RYK: variants seen among roughly 807,000 people sequenced by gnomAD.
RYK encodes inactive tyrosine-protein kinase RYK.
A neutral mutation model predicts 70.2 loss-of-function variants in RYK; 21 were observed. That is an observed-to-expected ratio of 0.30 (90% CI 0.21 to 0.43). The LOEUF (loss-of-function observed/expected upper bound fraction) is 0.43. Among genes scored for constraint, RYK ranks in the 20% least tolerant of loss-of-function variants. The pLI, the probability that RYK is intolerant of heterozygous loss-of-function variation, is 1.00. For synonymous variants in RYK, 267 were observed against 278.0 expected, an observed-to-expected ratio of 0.96 and a Z score of 0.39; for missense variants, 604 against 753.3, an observed-to-expected ratio of 0.80 and a Z score of 2.32.
chr3:134,159,459 A>C (rs769310929), intron 13 of RYK, 86 bp from the exon 14 acceptor site: 96 of 1,298,428 alleles, frequency 7.4e-5, no homozygotes, highest in Non-Finnish European at 9.7e-5. Context: ...AGGACAAAAA[A>C]TAACAGCTCA....
At chr3:134,219,325 C>T (rs141009283) in intron 2 of RYK, among the ~76,000 whole-genome samples, 8 of 152,232 alleles carry the variant, frequency 5.3e-5, no homozygotes, top group African/African-American at 1.7e-4. Context: ...AAATAACAAA[C>T]GGTGTATTTT....
chr3:134,176,935 CT>C (rs1401338488), intron 11 of RYK, among the ~76,000 whole-genome samples: 1 of 152,002 alleles, frequency 6.6e-6, no homozygotes, highest in Non-Finnish European at 1.5e-5. Flanking sequence ...GTAGTCCCAG[CT>C]ACTCGGGAGG....
chr3:134,201,557 G>A (rs926628477), intron 6 of RYK, among the ~76,000 whole-genome samples: 1 of 152,188 alleles, frequency 6.6e-6, no homozygotes, highest in Non-Finnish European at 1.5e-5. Flanking sequence ...CAAAGAGAAA[G>A]GGGTGTTTGG....
chr3:134,216,792 C>CA (rs61441674), intron 2 of RYK, among the ~76,000 whole-genome samples: 2,783 of 37,304 alleles, frequency 0.075, 723 homozygotes, highest in East Asian at 0.5. Flanking sequence ...GACTCTGTCT[C>CA]AAAAAAAAAA....
chr3:134,208,530 C>G (rs1187913063), intron 4 of RYK, among the ~76,000 whole-genome samples: 1 of 152,170 alleles, frequency 6.6e-6, no homozygotes, highest in Non-Finnish European at 1.5e-5. Context: ...TACCAAAACA[C>G]TAAAGCTGAA....
Position 134,250,535 on chromosome 3 carries a change from G to C in RYK, c.120C>G (p.Pro40=), listed in dbSNP as rs2015589050. 1.7e-6 allele frequency: 2 copies of C among 1,172,546 alleles called. No individual in the cohort carries two copies. Among genetic ancestry groups the C allele is most frequent in the Admixed American group, 4.4e-5 (1 of 22,690 alleles). The allele number at this position is 1,172,546 out of a possible 1,614,324, so 72.6% of individuals were successfully genotyped here. A position where few individuals can be genotyped will look rare whatever the true frequency, so the allele number is the denominator to read the frequency against. The change falls in exon 1 of 15, where the codon CCC becomes CCG. Residue 40 remains proline, a synonymous_variant. Coordinates refer to ENST00000623711, the MANE Select transcript of RYK (RefSeq NM_002958.4). ...CGGGGGCGGCGGCAGCGCCAGGCGC[G>C]GGCAGCAGCGGCAACAGCGCAAGCA... is the stretch of plus-strand genomic sequence containing the variant. The part of the protein sequence containing the change: ...LLLLALLPLL[P]APGAAAAPAP...
At chr3:134,208,736 G>A (rs1306983825) in intron 4 of RYK, among the ~76,000 whole-genome samples, 1 of 152,168 alleles carries the variant, frequency 6.6e-6, no homozygotes, top group Non-Finnish European at 1.5e-5. Flanking sequence ...CTGCATCCTA[G>A]CTGCACCACT....
In RYK at chr3:134,176,006, T is replaced by A. The variant is rs1331332594; in HGVS notation, c.1339A>T (p.Ile447Phe). The A allele has an allele frequency of 4.4e-6, 7 of 1,605,440 alleles. No homozygotes were observed. The highest frequency in any genetic ancestry group is 6.0e-6 in the Non-Finnish European group (7 of 1,175,586). Residue 447 changes from isoleucine to phenylalanine, a missense_variant, in exon 12 of 15, where the codon ATT becomes TTT. By Grantham distance (21) the Ile-to-Phe change is conservative. Around this residue, in one of 2 missense-constraint regions of RYK, gnomAD observed 138 missense variants for 217.4 expected, o/e 0.63. Coordinates refer to ENST00000623711, the MANE Select transcript of RYK (RefSeq NM_002958.4). ...TAGCTCATTCCACAGGCAATCTGAA[T>A]AGCCATGTGTACCAGGTCTTGCTGA... ...ISQQDLVHMA[I>F]QIACGMSYLA...
At chr3:134,173,296 T>A (rs1234729530) in intron 13 of RYK, among the ~76,000 whole-genome samples, 1 of 151,852 alleles carries the variant, frequency 6.6e-6, no homozygotes, top group Non-Finnish European at 1.5e-5. Context: ...AAAAAAAATT[T>A]AAAAATTATA....
intron 6 of RYK, among the ~76,000 whole-genome samples, chr3:134,200,701 T>G (rs2013984658): frequency 6.6e-6 from 1 of 152,208 alleles, no homozygotes; most frequent in South Asian, 2.1e-4. Flanking sequence ...AGAGGAGAAC[T>G]GAGACACACA....
chr3:134,248,948 C>T (rs1174098667), intron 1 of RYK, among the ~76,000 whole-genome samples: 3 of 152,062 alleles, frequency 2.0e-5, no homozygotes, highest in Non-Finnish European at 1.5e-5. Flanking sequence ...AGGTATATGG[C>T]AGGAATTCAA....
At chr3:134,178,532 G>A (rs1426592474) in intron 10 of RYK, 1 of 151,892 alleles carries the variant, frequency 6.6e-6, no homozygotes, top group Non-Finnish European at 1.5e-5. Flanking sequence ...CTAAAAGGCT[G>A]AAACTGCCAC....
At chr3:134,167,061 T>A (rs2012698771) in intron 13 of RYK, among the ~76,000 whole-genome samples, 1 of 152,192 alleles carries the variant, frequency 6.6e-6, no homozygotes, top group East Asian at 1.9e-4. Context: ...AAGATTATTG[T>A]ATATAAAATC....
Position 134,246,375 on chromosome 3 carries a change from T to TAA in RYK, c.232+4046_232+4047dup, listed in dbSNP as rs35031038. Among the ~76,000 whole-genome samples, 170 of 109,846 alleles carry TAA rather than the reference T, an allele frequency of 1.5e-3. 7 individuals are homozygous for TAA. Among genetic ancestry groups the TAA allele is most frequent in the Middle Eastern group, 9.1e-3 (2 of 220 alleles). The allele number at this position is 109,846 out of a possible 152,430, so 72.1% of individuals were successfully genotyped here. On this transcript the variant is annotated intron_variant, in intron 1 of 14. Transcript: ENST00000623711. The stretch of plus-strand genomic sequence containing the variant: ...AGAGAAAATAAAGGGTGGGAATTAT[T>TAA]AAAAAAAAAAAAAGCATTTCTGAAA...
At position 134,249,917 on chromosome 3, in the gene RYK, G is replaced by GTTTTT. The variant is rs71624038; in HGVS notation, c.232+501_232+505dup. ...TATAACCTCCCCTTCTTTCTCTCTCGTTTTTTTTTTTTTTTTTTTTTTTTT... is the reference window on the plus strand; with the variant it reads ...TATAACCTCCCCTTCTTTCTCTCTCGTTTTTTTTTTTTTTTTTTTTTTTTTTTTTT... On this transcript the variant is annotated intron_variant, in intron 1 of 14. Transcript: ENST00000623711. 4.2e-3 allele frequency among the ~76,000 whole-genome samples: 389 copies of GTTTTT among 93,318 alleles called. 61 individuals are homozygous for GTTTTT. Among genetic ancestry groups the GTTTTT allele is most frequent in the African/African-American group, 0.018 (339 of 18,892 alleles). 61.2% of individuals were successfully genotyped at this position (93,318 alleles called of 152,430 possible).
chr3:134,171,537 A>G (rs1194548039), intron 13 of RYK, among the ~76,000 whole-genome samples: 1 of 152,240 alleles, frequency 6.6e-6, no homozygotes. Context: ...GCTTAATTAT[A>G]CAATGGTATA....
chr3:134,183,339 C>A, intron 9 of RYK: 1 of 236,560 alleles, frequency 4.2e-6, no homozygotes, highest in Non-Finnish European at 8.1e-6. Flanking sequence ...ACATATGCAA[C>A]ACATAAGGCA....
At position 134,228,975 on chromosome 3, in the gene RYK, G is replaced by C. The variant is rs115243682; in HGVS notation, c.233-6436C>G. ...ACACCAAACTGTACTCTATAAATAT[G>C]TACAATAATAATGTGTAAATAAAAA... On this transcript the variant is annotated intron_variant, in intron 1 of 14. Coordinates refer to ENST00000623711, the MANE Select transcript of RYK (RefSeq NM_002958.4). 2.9e-3 allele frequency among the ~76,000 whole-genome samples: 446 copies of C among 151,816 alleles called. 1 individual carries two copies. The highest frequency in any genetic ancestry group is 0.01 in the African/African-American group (417 of 41,356).
At chr3:134,224,970 A>G (rs1189147518) in intron 1 of RYK, among the ~76,000 whole-genome samples, 1 of 149,644 alleles carries the variant, frequency 6.7e-6, no homozygotes, top group South Asian at 2.4e-4. Flanking sequence ...TTCTTGTTCT[A>G]TATATTTTCT....
Sources: allele counts gnomAD v4.1 joint callset (sites outside exome capture counted in the v4.1 genomes callset), GRCh38; gene constraint gnomAD v4.1.1; regional missense constraint gnomAD v4.1.1; transcripts MANE v1.5; gene names NCBI Gene and HGNC (gene_info 2026-07-23, HGNC 2026-07-21).